RAVER2: variants seen among roughly 807,000 people sequenced by gnomAD.
RAVER2 encodes ribonucleoprotein PTB-binding 2.
Under a neutral mutation model 78.1 loss-of-function variants are expected in RAVER2, and 46 were observed. The ratio of observed to expected loss-of-function variants is 0.59; its 90% confidence interval spans 0.46 to 0.75. The LOEUF (loss-of-function observed/expected upper bound fraction) is 0.75, where lower values mean the gene tolerates loss of function less well. Among genes scored for constraint, RAVER2 ranks in the 30% least tolerant of loss-of-function variants. RAVER2 has a pLI of 0.00. For synonymous variants in RAVER2, 311 were observed against 313.3 expected (o/e 0.99, Z 0.08); for missense variants, 793 against 837.5 (o/e 0.95, Z 0.66).
At chr1:64,755,805 C>T (rs1333028187) in intron 1 of RAVER2, among the ~76,000 whole-genome samples, 1 of 120,724 alleles carries the variant, frequency 8.3e-6, no homozygotes, top group South Asian at 2.7e-4. Flanking sequence ...ACATGTGAAT[C>T]TGGGAAGTTT....
rs1653065883 is a variant in RAVER2 at position 64,795,276 on chromosome 1, A to T, written c.1105+5762A>T. 2.0e-5 allele frequency among the ~76,000 whole-genome samples: 3 copies of T among 152,082 alleles called. No homozygotes were observed. In the South Asian group the frequency reaches 6.2e-4, roughly 31 times the overall value. ...TCCTTCAACTTTATTCTTCTTTTTC[A>T]AAGTTGTTTGGCCATTCCAGGTTCT... On this transcript the variant is annotated intron_variant, in intron 5 of 11. Transcript: ENST00000294428.
rs911983207 is a variant in RAVER2 at position 64,801,061 on chromosome 1, CTGTT to C, written c.1106-1911_1106-1908del. On this transcript the variant is annotated intron_variant, in intron 5 of 11. Coordinates refer to ENST00000294428, the Ensembl canonical transcript of RAVER2. ...ATGTTGCCAGAACCTTTTCTGGACA[CTGTT>C]TGTATATTTTATATATATATATATA... Among the ~76,000 whole-genome samples the C allele has an allele frequency of 6.0e-5, 9 of 149,364 alleles. No homozygotes were observed. In the South Asian group the frequency reaches 1.5e-3, roughly 24 times the overall value.
chr1:64,820,431 T>C (rs1209611631), intron 11 of RAVER2, among the ~76,000 whole-genome samples: 3 of 152,074 alleles, frequency 2.0e-5, no homozygotes, highest in African/African-American at 7.2e-5. Context: ...TAATTTTAGG[T>C]TTGGGGGTAC....
chr1:64,774,311 G>A (rs1652402781), intron 2 of RAVER2, among the ~76,000 whole-genome samples: 1 of 152,112 alleles, frequency 6.6e-6, no homozygotes, highest in South Asian at 2.1e-4. Context: ...ATGGTTTTAG[G>A]TCTTACGTTT....
chr1:64,829,896 CCTCT>C (rs769013575), intron 11 of RAVER2, among the ~76,000 whole-genome samples: 11 of 152,122 alleles, frequency 7.2e-5, no homozygotes, highest in African/African-American at 9.6e-5. Context: ...TCTTGTCATC[CCTCT>C]AACATGGACC....
At chr1:64,787,929 C>T (rs1283170519) in intron 4 of RAVER2, among the ~76,000 whole-genome samples, 1 of 152,166 alleles carries the variant, frequency 6.6e-6, no homozygotes, top group African/African-American at 2.4e-5. Flanking sequence ...ATCACCTTCT[C>T]CCTCTCAATT....
chr1:64,804,768 T>C (rs753116107), exon 7 of RAVER2: 15 of 1,540,664 alleles, frequency 9.7e-6, no homozygotes, highest in Non-Finnish European at 1.3e-5. Context: ...AATTTATTCC[T>C]TCAGAATCTT....
chr1:64,811,244 G>A (rs560426484), intron 9 of RAVER2, among the ~76,000 whole-genome samples: 12 of 152,218 alleles, frequency 7.9e-5, no homozygotes, highest in Non-Finnish European at 8.8e-5. Flanking sequence ...TTGCTATTGC[G>A]GTGAGCTCAA....
intron 5 of RAVER2, 82 bp from the exon 6 acceptor site, chr1:64,802,894 C>A: frequency 8.4e-6 from 7 of 836,922 alleles, no homozygotes; most frequent in Non-Finnish European, 1.3e-5. Flanking sequence ...AAGAAATATT[C>A]ATTTACCCTT....
At chr1:64,819,864 C>A (rs1489148329) in intron 11 of RAVER2, among the ~76,000 whole-genome samples, 1 of 152,270 alleles carries the variant, frequency 6.6e-6, no homozygotes, top group African/African-American at 2.4e-5. Context: ...GATTTGGCAA[C>A]ATCCTTGTCC....
At chr1:64,789,352 C>G in intron 4 of RAVER2, 36 bp from the exon 5 acceptor site, 5 of 1,525,888 alleles carry the variant, frequency 3.3e-6, no homozygotes, top group Non-Finnish European at 4.4e-6. Context: ...TGTACTTATG[C>G]TGTTCTAATG....
intron 2 of RAVER2, among the ~76,000 whole-genome samples, chr1:64,770,535 T>C (rs1351542794): frequency 6.6e-6 from 1 of 152,006 alleles, no homozygotes; most frequent in African/African-American, 2.4e-5. Context: ...GTGAAATTTA[T>C]GATGTCAGAC....
intron 10 of RAVER2, among the ~76,000 whole-genome samples, chr1:64,813,828 G>GACAC (rs10566575): frequency 9.9e-4 from 144 of 146,006 alleles, no homozygotes; most frequent in South Asian, 1.4e-3. Flanking sequence ...TTAGAGACTA[G>GACAC]ACACACACAC....
At chr1:64,763,952 A>ACACACACC (rs1652100478) in intron 1 of RAVER2, among the ~76,000 whole-genome samples, 1 of 150,570 alleles carries the variant, frequency 6.6e-6, no homozygotes, top group Admixed American at 6.6e-5. Flanking sequence ...ACACACACAC[A>ACACACACC]CACCCCTACC....
chr1:64,768,533 ATTT>A, intron 1 of RAVER2, 120 bp from the exon 2 acceptor site: 4 of 552,858 alleles, frequency 7.2e-6, no homozygotes, highest in Non-Finnish European at 9.8e-6. Context: ...CCATGAAATA[ATTT>A]TTTTTTTTTA....
exon 12 of RAVER2, chr1:64,830,918 A>G: frequency 6.2e-7 from 1 of 1,613,818 alleles, no homozygotes; most frequent in Non-Finnish European, 8.5e-7. Context: ...GAATGTGTTG[A>G]CCAGCATTCT....
intron 4 of RAVER2, among the ~76,000 whole-genome samples, chr1:64,785,765 A>G (rs922040385): frequency 6.6e-6 from 1 of 152,006 alleles, no homozygotes; most frequent in African/African-American, 2.4e-5. Context: ...TACCATACCT[A>G]TCATCATATT....
intron 1 of RAVER2, among the ~76,000 whole-genome samples, chr1:64,753,360 T>A (rs1158898797): frequency 2.0e-5 from 3 of 151,812 alleles, no homozygotes; most frequent in Non-Finnish European, 1.5e-5. Context: ...TGGCTTTTTT[T>A]AAAAAAAATA....
At position 64,745,206 on chromosome 1, in the gene RAVER2, G is replaced by A. The variant is rs867489141; in HGVS notation, c.34G>A (p.Gly12Arg). 3 of 1,048,332 alleles carry A rather than the reference G, an allele frequency of 2.9e-6. No individual in the cohort carries two copies. The highest frequency in any genetic ancestry group is 7.7e-5 in the East Asian group (1 of 12,906). The allele number at this position is 1,048,332 out of a possible 1,614,324, so 64.9% of individuals were successfully genotyped here. Residue 12 changes from glycine to arginine, a missense_variant, in exon 1 of 12, where the codon GGG (glycine) becomes AGG (arginine). Transcript: ENST00000294428. This position sits in a 1 kb window ranked among gnomAD's most constrained non-coding sequence, Gnocchi z 4.3. Reference sequence around the variant, plus strand: ...GGCGGCGGGAGACGGCGGCGGCGAGGGGGGCGCGGGCCTGGGCAGCGCGGC... The same window carrying A: ...GGCGGCGGGAGACGGCGGCGGCGAGAGGGGCGCGGGCCTGGGCAGCGCGGC...
Sources: allele counts gnomAD v4.1 joint callset (sites outside exome capture counted in the v4.1 genomes callset), GRCh38; gene constraint gnomAD v4.1.1; non-coding constraint Gnocchi (gnomAD v3.1); transcripts MANE v1.5; gene names NCBI Gene and HGNC (gene_info 2026-07-23, HGNC 2026-07-21).